IGF1R: variants seen among roughly 807,000 people sequenced by gnomAD.
IGF1R encodes the protein insulin-like growth factor 1 receptor.
IGF1R carries 44 observed loss-of-function variants against 144.6 expected under a neutral mutation model. The observed-to-expected ratio is 0.30, with a 90% CI of 0.24 to 0.39. IGF1R has a LOEUF of 0.39. IGF1R is among the 10% of genes least tolerant of loss of function. The probability of loss-of-function intolerance (pLI) is 1.00; values close to 1 mark genes in which losing one functional copy is unlikely to be tolerated. For missense variants in IGF1R, 1,355 were observed against 1,833.7 expected (o/e 0.74, Z 4.77); for synonymous variants, 795 against 722.8 (o/e 1.10, Z -1.60).
At chr15:98,864,919 G>A (rs913616922) in intron 2 of IGF1R, among the ~76,000 whole-genome samples, 1 of 152,152 alleles carries the variant, frequency 6.6e-6, no homozygotes, top group Non-Finnish European at 1.5e-5. Context: ...ACACAAGAGC[G>A]TGCAAGCTAT....
chr15:98,795,366 A>T (rs2056215827), intron 2 of IGF1R, among the ~76,000 whole-genome samples: 1 of 152,112 alleles, frequency 6.6e-6, no homozygotes, highest in Non-Finnish European at 1.5e-5. Context: ...AAATACACAA[A>T]TGATTAGATT....
At chr15:98,683,562 C>T (rs1243072971) in intron 1 of IGF1R, among the ~76,000 whole-genome samples, 1 of 152,132 alleles carries the variant, frequency 6.6e-6, no homozygotes, top group Non-Finnish European at 1.5e-5. Flanking sequence ...TAGTGTAATA[C>T]ACAACAGTTT....
chr15:98,808,871 A>G (rs1029147398), intron 2 of IGF1R, among the ~76,000 whole-genome samples: 1 of 152,012 alleles, frequency 6.6e-6, no homozygotes, highest in Non-Finnish European at 1.5e-5. Flanking sequence ...TTATTTTTAT[A>G]GAGTCAGAGT....
intron 1 of IGF1R, among the ~76,000 whole-genome samples, chr15:98,663,333 T>G (rs1038041514): frequency 6.6e-6 from 1 of 152,160 alleles, no homozygotes; most frequent in African/African-American, 2.4e-5. Context: ...CTGGCACTTT[T>G]AAGGCATGGA....
intron 19 of IGF1R, among the ~76,000 whole-genome samples, chr15:98,945,728 A>G (rs1177258874): frequency 6.6e-6 from 1 of 152,110 alleles, no homozygotes; most frequent in Non-Finnish European, 1.5e-5. Context: ...CGGTACCTGA[A>G]TAGATGTTGA....
intron 2 of IGF1R, among the ~76,000 whole-genome samples, chr15:98,858,495 A>G (rs768276430): frequency 9.9e-5 from 15 of 152,238 alleles, no homozygotes; most frequent in Non-Finnish European, 4.4e-5. Flanking sequence ...GAATAGAAAA[A>G]TATTTCCAAC....
At chr15:98,688,114 A>G (rs1208647029) in intron 1 of IGF1R, among the ~76,000 whole-genome samples, 2 of 152,106 alleles carry the variant, frequency 1.3e-5, no homozygotes, top group African/African-American at 4.8e-5. Context: ...TTACTGAAGG[A>G]AGGACATGGT....
rs1017925740 is a variant in IGF1R at position 98,648,919 on chromosome 15, G to A, written c.-663G>A. Reference sequence around the variant, plus strand: ...GGCGCAGAGCCGGGCGGCGCGGCGGGAGTGCTGAGCGCGGCGCGGCCGGCC... The same window carrying A: ...GGCGCAGAGCCGGGCGGCGCGGCGGAAGTGCTGAGCGCGGCGCGGCCGGCC... On this transcript the variant is annotated 5_prime_UTR_variant, in exon 1 of 21. Transcript: ENST00000650285. 1 of 168,992 alleles carries A rather than the reference G, an allele frequency of 5.9e-6. No individual in the cohort carries two copies. The highest frequency in any genetic ancestry group is 2.4e-5 in the African/African-American group (1 of 41,350). 10.5% of individuals were successfully genotyped at this position (168,992 alleles called of 1,614,324 possible).
chr15:98,726,413 C>T (rs950580827), intron 2 of IGF1R, among the ~76,000 whole-genome samples: 3 of 152,186 alleles, frequency 2.0e-5, no homozygotes, highest in African/African-American at 7.2e-5. Flanking sequence ...TTGAAGATGT[C>T]TTGCTCTAGT....
At chr15:98,953,406 A>G (rs1223086764) in intron 20 of IGF1R, among the ~76,000 whole-genome samples, 3 of 152,066 alleles carry the variant, frequency 2.0e-5, no homozygotes, top group Non-Finnish European at 4.4e-5. Flanking sequence ...TGTACTTTAG[A>G]TTGATGACAA....
Position 98,648,942 on chromosome 15 carries a change from G to T in IGF1R, c.-640G>T, listed in dbSNP as rs1193336293. ...GGGAGTGCTGAGCGCGGCGCGGCCG[G>T]CCCGCCGCTTTGTGTGTGTCCTGGA... On this transcript the variant is annotated 5_prime_UTR_variant, in exon 1 of 21. Coordinates refer to ENST00000650285, the MANE Select transcript of IGF1R (RefSeq NM_000875.5). 3 of 186,972 alleles carry T rather than the reference G, an allele frequency of 1.6e-5. No individual in the cohort carries two copies. Among genetic ancestry groups the T allele is most frequent in the Non-Finnish European group, 3.4e-5 (3 of 89,548 alleles). The allele number at this position is 186,972 out of a possible 1,614,324, so 11.6% of individuals were successfully genotyped here.
At chr15:98,762,742 TAAAACA>T (rs964886995) in intron 2 of IGF1R, among the ~76,000 whole-genome samples, 4 of 150,320 alleles carry the variant, frequency 2.7e-5, no homozygotes, top group East Asian at 2.0e-4. Context: ...AAAACAAAAC[TAAAACA>T]AAAACAAAAA....
In IGF1R at chr15:98,957,110, T is replaced by C. The variant is rs368065238; in HGVS notation, c.3772T>C (p.Ser1258Pro). Residue 1258 changes from serine to proline, a missense_variant, in exon 21 of 21, where the codon TCC (serine) becomes CCC (proline). Around this residue, in one of 7 missense-constraint regions of IGF1R, gnomAD observed 219 missense variants for 188.8 expected, o/e 1.16. Transcript: ENST00000650285. ...GCAGTATAACCCCAAGATGAGGCCT[T>C]CCTTCCTGGAGATCATCAGCAGCAT... ...CWQYNPKMRP[S>P]FLEIISSIKE... is the part of the protein sequence containing the mutation. 6 of 1,614,218 alleles carry C rather than the reference T, an allele frequency of 3.7e-6. No homozygotes were observed. In the African/African-American group the frequency reaches 6.7e-5, roughly 18 times the overall value.
At chr15:98,681,868 A>G (rs768132920) in intron 1 of IGF1R, among the ~76,000 whole-genome samples, 8 of 152,060 alleles carry the variant, frequency 5.3e-5, no homozygotes, top group Non-Finnish European at 1.2e-4. Context: ...GACCAAGGAG[A>G]TGGTCACTCT....
chr15:98,917,168 G>A (rs2015292391), intron 10 of IGF1R, among the ~76,000 whole-genome samples: 1 of 152,148 alleles, frequency 6.6e-6, no homozygotes, highest in South Asian at 2.1e-4. Flanking sequence ...CTGTGGTAGA[G>A]GCAGGGAGGG....
Position 98,957,097 on chromosome 15 carries a change from C to G in IGF1R, c.3759C>G (p.Pro1253=). 1.9e-6 allele frequency: 3 copies of G among 1,614,238 alleles called. No individual in the cohort carries two copies. Among genetic ancestry groups the G allele is most frequent in the Non-Finnish European group, 2.5e-6 (3 of 1,180,046 alleles). ...ELMRMCWQYN[P]KMRPSFLEII... ...TGCGCATGTGCTGGCAGTATAACCC[C>G]AAGATGAGGCCTTCCTTCCTGGAGA... Residue 1253 remains proline, a synonymous_variant, in exon 21 of 21, where the codon CCC becomes CCG. Coordinates refer to ENST00000650285, the MANE Select transcript of IGF1R (RefSeq NM_000875.5).
intron 1 of IGF1R, among the ~76,000 whole-genome samples, chr15:98,676,527 A>T (rs1567070486): frequency 6.6e-6 from 1 of 152,242 alleles, no homozygotes; most frequent in South Asian, 2.1e-4. Context: ...TTCATTATAC[A>T]TGTTAACATC....
At chr15:98,886,834 C>T (rs1246842285) in intron 2 of IGF1R, among the ~76,000 whole-genome samples, 11 of 152,142 alleles carry the variant, frequency 7.2e-5, no homozygotes, top group African/African-American at 9.7e-5. Context: ...ACTCTCTAAT[C>T]CCACACTTGC....
intron 2 of IGF1R, among the ~76,000 whole-genome samples, chr15:98,726,085 C>G (rs562326917): frequency 6.6e-6 from 1 of 152,332 alleles, no homozygotes; most frequent in African/African-American, 2.4e-5. Context: ...ATTCACTGAA[C>G]AATGACTAGG....
Sources: allele counts gnomAD v4.1 joint callset (sites outside exome capture counted in the v4.1 genomes callset), GRCh38; gene constraint gnomAD v4.1.1; regional missense constraint gnomAD v4.1.1; transcripts MANE v1.5; gene names NCBI Gene and HGNC (gene_info 2026-07-23, HGNC 2026-07-21).